Variants in FAM187A observed in about 807,000 individuals in gnomAD.
FAM187A encodes the protein family with sequence similarity 187 member A.
A neutral mutation model predicts 6.4 loss-of-function variants in FAM187A; 4 were observed. The ratio of observed to expected loss-of-function variants is 0.63; its 90% confidence interval spans 0.31 to 1.44. The LOEUF (loss-of-function observed/expected upper bound fraction) is 1.44, where lower values mean the gene tolerates loss of function less well. Among genes scored for constraint, FAM187A ranks in the 40% most tolerant of loss-of-function variants. The pLI is 0.07. For synonymous variants in FAM187A, 221 were observed against 213.4 expected (o/e 1.04, Z -0.31); for missense variants, 463 against 542.2 (o/e 0.85, Z 1.45).
At chr17:44,905,127 C>T (rs2051635220) in exon 4 of FAM187A, 2 of 1,357,730 alleles carry the variant, frequency 1.5e-6, no homozygotes, top group Admixed American at 4.5e-5. Flanking sequence ...TTAAATGATA[C>T]CAGATGTCTC....
chr17:44,903,564 A>G, exon 4 of FAM187A: 9 of 1,383,644 alleles, frequency 6.5e-6, no homozygotes, highest in Non-Finnish European at 8.4e-6. Context: ...AGTGTTCTAG[A>G]AAGGGGAGTA....
exon 4 of FAM187A, chr17:44,905,379 T>C (rs2051639677): frequency 3.2e-6 from 1 of 309,134 alleles, no homozygotes; most frequent in Non-Finnish European, 6.4e-6. Context: ...CACTGATCAG[T>C]GTTGAATCAT....
Position 44,904,740 on chromosome 17 carries a change from G to A in FAM187A, c.911G>A (p.Arg304His), listed in dbSNP as rs777082570. The stretch of plus-strand genomic sequence containing the variant: ...CATGCAGTGGCCTGGGACAAAGACC[G>A]CCAGCACCTCTACCGCACACAGTAC... The change falls in exon 4 of 4, where the codon CGC becomes CAC. Residue 304 changes from arginine (R) to histidine (H), a missense_variant. Arg to His is a conservative substitution (Grantham distance 29, BLOSUM62 0). Transcript: ENST00000331733. 131 of 1,550,416 alleles carry A rather than the reference G, an allele frequency of 8.4e-5. 5 individuals carry two copies. In the Middle Eastern group the frequency reaches 1.2e-3, roughly 14 times the overall value.
At chr17:44,904,637 C>T (rs2051623233) in exon 4 of FAM187A, 5 of 1,550,408 alleles carry the variant, frequency 3.2e-6, no homozygotes, top group Non-Finnish European at 2.6e-6. Context: ...GCCCTGGGTG[C>T]CCCAGGTGCC....
exon 4 of FAM187A, chr17:44,904,608 T>A (rs1346506908): frequency 7.7e-6 from 12 of 1,550,556 alleles, no homozygotes; most frequent in Non-Finnish European, 1.0e-5. Flanking sequence ...ATTAACTATG[T>A]GTCCAAAGTG....
chr17:44,904,410 A>G (rs1035427410), exon 4 of FAM187A: 2 of 1,542,392 alleles, frequency 1.3e-6, no homozygotes, highest in African/African-American at 2.7e-5. Context: ...GGCCTCTGCT[A>G]CCTGCAGAGC....
chr17:44,903,656 G>A, exon 4 of FAM187A: 16 of 1,433,552 alleles, frequency 1.1e-5, no homozygotes, highest in Non-Finnish European at 1.5e-5. Flanking sequence ...TACATCCACT[G>A]GGAATAAATT....
rs774900945 is a variant in FAM187A at position 44,904,953 on chromosome 17, G to A, written c.1124G>A (p.Arg375His). The change falls in exon 4 of 4, where the codon CGC (arginine) becomes CAC (histidine). Residue 375 changes from arginine to histidine, a missense_variant. Coordinates refer to ENST00000331733, the Ensembl canonical transcript of FAM187A. ...GCCTCGTTCTCAGATCCTGAGACTC[G>A]CTCGGCTGTGGAGCTCACCCTGATA... The A allele has an allele frequency of 5.2e-6, 8 of 1,550,496 alleles. No individual in the cohort carries two copies. The African/African-American group carries it at 5.5e-5, about 11-fold the overall frequency.
Position 44,903,994 on chromosome 17 carries a change from CA to C in FAM187A, c.168del (p.Lys56AsnfsTer8). On this transcript the variant is annotated frameshift_variant, in exon 4 of 4. Coordinates refer to ENST00000331733, the Ensembl canonical transcript of FAM187A. LOFTEE classifies it high-confidence loss of function. ...TGAGCTTTGAGCTTCCCTGTCACTG[CA>C]AACCCGAAGAGGTGCCAGCTGTAGT... is the stretch of plus-strand genomic sequence containing the variant. 1.3e-6 allele frequency: 2 copies of C among 1,550,644 alleles called. No individual in the cohort carries two copies. Among genetic ancestry groups the C allele is most frequent in the Non-Finnish European group, 1.7e-6 (2 of 1,147,008 alleles).
At chr17:44,905,280 C>T in exon 4 of FAM187A, 1 of 584,008 alleles carries the variant, frequency 1.7e-6, no homozygotes, top group Non-Finnish European at 3.1e-6. Flanking sequence ...GGGGACTGAG[C>T]TCAGGATGGA....
chr17:44,903,508 G>C (rs948320568), exon 4 of FAM187A: 2 of 1,280,692 alleles, frequency 1.6e-6, no homozygotes, highest in African/African-American at 3.1e-5. Context: ...ACCTCGGCCC[G>C]CCCTTCTCAT....
At chr17:44,903,927 C>T (rs994383873) in exon 4 of FAM187A, 2 of 1,550,470 alleles carry the variant, frequency 1.3e-6, no homozygotes, top group Non-Finnish European at 1.7e-6. Flanking sequence ...ACCCCCTGCC[C>T]TGCTTTCCTG....
At chr17:44,904,110 G>A (rs575434877) in exon 4 of FAM187A, 66 of 1,550,614 alleles carry the variant, frequency 4.3e-5, no homozygotes, top group Middle Eastern at 3.3e-4. Context: ...GCCCAGGTAC[G>A]TGTGGGCAGC....
At chr17:44,904,800 T>C (rs2051627303) in exon 4 of FAM187A, 7 of 1,550,494 alleles carry the variant, frequency 4.5e-6, no homozygotes, top group Non-Finnish European at 6.1e-6. Context: ...AGGGTGTTCA[T>C]TGACCACGGC....
rs1313924663 is a variant in FAM187A, at chr17:44,904,023, G to A, written c.194G>A (p.Trp65Ter). 1 of 1,550,534 alleles carries A rather than the reference G, an allele frequency of 6.4e-7. No homozygotes were observed. The highest frequency in any genetic ancestry group is 1.4e-5 in the African/African-American group (1 of 73,054). The stretch of plus-strand genomic sequence containing the variant: ...CCCGAAGAGGTGCCAGCTGTAGTCT[G>A]GTTCTACCAAAAGCACCTAGGTAGC... The change falls in exon 4 of 4, where the codon TGG (tryptophan) becomes TAG (stop). Residue 65 changes from tryptophan (W) to a stop codon, truncating the protein, a stop_gained. Transcript: ENST00000331733. LOFTEE classifies it high-confidence loss of function.
chr17:44,905,191 T>TA, exon 4 of FAM187A: 1 of 758,376 alleles, frequency 1.3e-6, no homozygotes, highest in African/African-American at 1.8e-5. Context: ...ACAAATCTGT[T>TA]ACAGCCTGCT....
chr17:44,904,809 G>A (rs1298181731), exon 4 of FAM187A: 2 of 1,550,650 alleles, frequency 1.3e-6, no homozygotes, highest in Non-Finnish European at 1.7e-6. Context: ...ATTGACCACG[G>A]CAACCAGCTC....
In FAM187A at chr17:44,903,735, C is replaced by G; in HGVS notation, c.-95C>G. 2.1e-6 allele frequency: 3 copies of G among 1,453,972 alleles called. No homozygotes were observed. Among genetic ancestry groups the G allele is most frequent in the South Asian group, 1.5e-5 (1 of 67,818 alleles). The allele number at this position is 1,453,972 out of a possible 1,614,324, so 90.1% of individuals were successfully genotyped here. A position where few individuals can be genotyped will look rare whatever the true frequency, so the allele number is the denominator to read the frequency against. The stretch of plus-strand genomic sequence containing the variant: ...CCTGGCTGCATAATCCTTTCCTCAT[C>G]TAGAGGCTTCCGCTTAGCAGAGCTT... On this transcript the variant is annotated 5_prime_UTR_variant, in exon 4 of 4. It adds an upstream start codon to the 5' untranslated region. Transcript: ENST00000331733.
At chr17:44,904,148 A>G in exon 4 of FAM187A, 2 of 1,550,356 alleles carry the variant, frequency 1.3e-6, no homozygotes, top group Non-Finnish European at 1.7e-6. Context: ...CAGCATCCGC[A>G]TGTTCAGCTT....
Sources: allele counts gnomAD v4.1 joint callset, GRCh38; gene constraint gnomAD v4.1.1; transcripts MANE v1.5; gene names NCBI Gene and HGNC (gene_info 2026-07-23, HGNC 2026-07-21).